The following QSER1 variants were observed in gnomAD, a reference collection of about 807,000 sequenced individuals.
QSER1 encodes glutamine and serine rich 1.
QSER1 carries 49 observed loss-of-function variants against 158.5 expected under a neutral mutation model. The observed-to-expected ratio is 0.31, with a 90% CI of 0.25 to 0.39. The LOEUF is 0.39. Ranked by LOEUF, QSER1 falls within the 10% of genes least tolerant of loss-of-function variation. The probability of loss-of-function intolerance (pLI) is 1.00; values close to 1 mark genes in which losing one functional copy is unlikely to be tolerated. For missense variants in QSER1, 1,754 were observed against 2,010.3 expected, an observed-to-expected ratio of 0.87 and a Z score of 2.44; for synonymous variants, 650 against 715.5, an observed-to-expected ratio of 0.91 and a Z score of 1.46.
At chr11:32,896,590 C>T (rs1313206274) in intron 1 of QSER1, among the ~76,000 whole-genome samples, 3 of 152,048 alleles carry the variant, frequency 2.0e-5, no homozygotes, top group Non-Finnish European at 4.4e-5. Context: ...GGTTTCACTA[C>T]ATTGGCCAGG....
intron 8 of QSER1, among the ~76,000 whole-genome samples, chr11:32,958,472 C>T (rs1852564067): frequency 6.6e-6 from 1 of 152,110 alleles, no homozygotes; most frequent in Non-Finnish European, 1.5e-5. Context: ...ACTGCAGCCT[C>T]GAACACCTGG....
chr11:32,926,285 G>A (rs1851969379), intron 1 of QSER1: 1 of 152,092 alleles, frequency 6.6e-6, no homozygotes, highest in South Asian at 2.1e-4. Context: ...GCAATAATTG[G>A]GGAAACTGGA....
chr11:32,911,437 C>G (rs549252517), intron 1 of QSER1, among the ~76,000 whole-genome samples: 1 of 151,994 alleles, frequency 6.6e-6, no homozygotes, highest in Admixed American at 6.6e-5. Flanking sequence ...AAAAAAGTAC[C>G]AAGTTATGAA....
rs559308546 is a variant in QSER1, at chr11:32,960,375, G to A, written c.4969+2289G>A. ...AGTTTGAGACCAGACTGGCCAACAC[G>A]GTGAAACCCTGTCTCTACTAAAAAT... On this transcript the variant is annotated intron_variant, in intron 8 of 12. Transcript: ENST00000650167. Among the ~76,000 whole-genome samples the A allele has an allele frequency of 1.5e-4, 23 of 152,066 alleles. No homozygotes were observed. In the South Asian group the frequency reaches 4.6e-3, roughly 30 times the overall value.
chr11:32,911,808 C>G (rs143310014), intron 1 of QSER1, among the ~76,000 whole-genome samples: 6 of 152,312 alleles, frequency 3.9e-5, no homozygotes, highest in Admixed American at 3.9e-4. Context: ...TTTAAGTTAC[C>G]TAGTTTCACA....
In QSER1 at chr11:32,920,863, G is replaced by A. The variant is rs147709374; in HGVS notation, c.210-6294G>A. On this transcript the variant is annotated intron_variant, in intron 1 of 12. Coordinates refer to ENST00000650167, the MANE Select transcript of QSER1 (RefSeq NM_001076786.3). ...AAATACAGATAATAAATATTAGTGA[G>A]AATGTTGAGAAATTATAACTTATAC... Among the ~76,000 whole-genome samples the A allele has an allele frequency of 5.1e-3, 770 of 152,294 alleles. 1 individual carries two copies. Among genetic ancestry groups the A allele is most frequent in the Non-Finnish European group, 8.5e-3 (581 of 68,018 alleles).
chr11:32,894,730 T>G (rs1851533266), intron 1 of QSER1, among the ~76,000 whole-genome samples: 1 of 152,152 alleles, frequency 6.6e-6, no homozygotes, highest in African/African-American at 2.4e-5. Flanking sequence ...GACTTGGGAG[T>G]TAACAAAAAT....
chr11:32,917,407 A>T (rs190128895), intron 1 of QSER1, among the ~76,000 whole-genome samples: 15 of 152,254 alleles, frequency 9.9e-5, no homozygotes, highest in African/African-American at 3.6e-4. Context: ...ATGATGTTTA[A>T]CTTTTTGAGG....
Position 32,955,997 on chromosome 11 carries a change from T to C in QSER1, c.4627T>C (p.Tyr1543His). 6.2e-7 allele frequency: 1 copy of C among 1,604,272 alleles called. No homozygotes were observed. Among genetic ancestry groups the C allele is most frequent in the Admixed American group, 1.7e-5 (1 of 58,690 alleles). The change falls in exon 7 of 13, where the codon TAT (tyrosine) becomes CAT (histidine). Residue 1543 changes from tyrosine (Y) to histidine (H), a missense_variant. Tyr to His is a moderately conservative substitution (Grantham distance 83). Transcript: ENST00000650167. The part of the protein sequence containing the change: ...EFAATNSYLG[Y>H]FGDAKSKYKR... ...GTGTTTCCTTCCTCAGTATCTTGGATATTTTGGAGATGCAAAGAGTAAATA... is the reference window on the plus strand; with the variant it reads ...GTGTTTCCTTCCTCAGTATCTTGGACATTTTGGAGATGCAAAGAGTAAATA...
chr11:32,933,592 C>T lies in QSER1; in HGVS notation c.2334C>T (p.Val778=). ...VTQLNQQIGQ[V]NNAATLDLKN... is the part of the protein sequence containing the mutation. ...AACTTAACCAACAAATTGGCCAAGT[C>T]AATAATGCAGCTACCCTTGATCTTA... is the stretch of plus-strand genomic sequence containing the variant. The change falls in exon 4 of 13, where the codon GTC becomes GTT. Residue 778 remains valine (V), a synonymous_variant. Coordinates refer to ENST00000650167, the MANE Select transcript of QSER1 (RefSeq NM_001076786.3). The T allele has an allele frequency of 7.4e-6, 12 of 1,613,938 alleles. No homozygotes were observed. The highest frequency in any genetic ancestry group is 1.0e-5 in the Non-Finnish European group (12 of 1,179,946).
At chr11:32,918,292 T>C (rs1354571826) in intron 1 of QSER1, among the ~76,000 whole-genome samples, 7 of 152,188 alleles carry the variant, frequency 4.6e-5, no homozygotes, top group Non-Finnish European at 5.9e-5. Flanking sequence ...CTGGGCAAAC[T>C]AGCATACTAT....
At chr11:32,919,342 A>G (rs1851872746) in intron 1 of QSER1, among the ~76,000 whole-genome samples, 1 of 152,224 alleles carries the variant, frequency 6.6e-6, no homozygotes, top group African/African-American at 2.4e-5. Context: ...TCTGGTATCA[A>G]GCACTTCTCT....
intron 1 of QSER1, among the ~76,000 whole-genome samples, chr11:32,908,767 A>C (rs956765913): frequency 6.6e-6 from 1 of 152,202 alleles, no homozygotes; most frequent in Non-Finnish European, 1.5e-5. Flanking sequence ...TTCCGGTGTA[A>C]GTATCTGGGA....
intron 1 of QSER1, among the ~76,000 whole-genome samples, chr11:32,907,326 G>T (rs776073374): frequency 2.6e-5 from 4 of 152,154 alleles, no homozygotes; most frequent in South Asian, 2.1e-4. Flanking sequence ...TTAAACCAAA[G>T]ATATGAAAAC....
At chr11:32,948,736 T>C (rs1852377001) in intron 4 of QSER1, among the ~76,000 whole-genome samples, 1 of 152,204 alleles carries the variant, frequency 6.6e-6, no homozygotes, top group South Asian at 2.1e-4. Flanking sequence ...TTATACATTC[T>C]TTTTTTAAAA....
chr11:32,912,875 T>C (rs541021815), intron 1 of QSER1, among the ~76,000 whole-genome samples: 113 of 152,276 alleles, frequency 7.4e-4, no homozygotes, highest in Middle Eastern at 6.8e-3. Flanking sequence ...ATCACACCAC[T>C]GCACTCCAGC....
At chr11:32,895,814 A>G (rs917942132) in intron 1 of QSER1, among the ~76,000 whole-genome samples, 2 of 152,220 alleles carry the variant, frequency 1.3e-5, no homozygotes, top group Non-Finnish European at 2.9e-5. Flanking sequence ...GTTGATGGGA[A>G]GGTACATGAT....
At chr11:32,925,096 TTGTG>T (rs1366670886) in intron 1 of QSER1, among the ~76,000 whole-genome samples, 1 of 152,216 alleles carries the variant, frequency 6.6e-6, no homozygotes, top group Non-Finnish European at 1.5e-5. Flanking sequence ...TCTAAGATGT[TTGTG>T]TACCACATTT....
intron 1 of QSER1, among the ~76,000 whole-genome samples, chr11:32,909,240 A>G (rs990552109): frequency 6.6e-6 from 1 of 152,156 alleles, no homozygotes; most frequent in African/African-American, 2.4e-5. Context: ...ATTATTGCTC[A>G]TTCATTTCTT....
Sources: gnomAD v4.1 joint callset for allele counts (sites outside exome capture counted in the v4.1 genomes callset) on GRCh38, gnomAD v4.1.1 for gene constraint, MANE v1.5 for transcripts, NCBI Gene and HGNC (gene_info 2026-07-23, HGNC 2026-07-21) for gene names.